GCFC2: variants seen among roughly 807,000 people sequenced by gnomAD.
GCFC2 encodes GC-rich sequence DNA-binding factor 2, also known as intron Large complex component GCFC2.
In GCFC2, 102 loss-of-function variants were observed where a neutral mutation model predicts 99.4. The ratio of observed to expected loss-of-function variants is 1.03; its 90% CI spans 0.87 to 1.21. The LOEUF (loss-of-function observed/expected upper bound fraction) is 1.21, where lower values mean the gene tolerates loss of function less well. Ranked by LOEUF, GCFC2 falls within the 50% of genes most tolerant of loss-of-function variation. The probability of loss-of-function intolerance (pLI) is 0.00; values close to 1 mark genes in which losing one functional copy is unlikely to be tolerated. For missense variants in GCFC2, 973 were observed against 920.9 expected (o/e 1.06, Z -0.73); for synonymous variants, 338 against 316.8 (o/e 1.07, Z -0.71).
intron 16 of GCFC2, among the ~76,000 whole-genome samples, chr2:75,665,439 C>T (rs959625080): frequency 3.3e-5 from 5 of 152,132 alleles, no homozygotes; most frequent in Non-Finnish European, 7.4e-5. Flanking sequence ...CAGGCGTGAG[C>T]CACCATGCCC....
chr2:75,678,298 G>C (rs896315863), intron 12 of GCFC2, among the ~76,000 whole-genome samples: 2 of 152,018 alleles, frequency 1.3e-5, no homozygotes, highest in Non-Finnish European at 2.9e-5. Context: ...TACTAATCTT[G>C]GTTCTATGCT....
intron 1 of GCFC2, among the ~76,000 whole-genome samples, chr2:75,707,562 T>TAA (rs35217863): frequency 1.3e-5 from 2 of 151,566 alleles, no homozygotes; most frequent in Non-Finnish European, 2.9e-5. Context: ...TTTAAAACAC[T>TAA]AAAAAAAATA....
At chr2:75,692,310 G>A (rs58987194) in intron 6 of GCFC2, among the ~76,000 whole-genome samples, 1 of 152,008 alleles carries the variant, frequency 6.6e-6, no homozygotes, top group African/African-American at 2.4e-5. Context: ...TAAAAAATCA[G>A]AAAATTGACT....
chr2:75,711,679 G>A (rs372351691), upstream of GCFC2, among the ~76,000 whole-genome samples: 74 of 152,348 alleles, frequency 4.9e-4, 1 homozygote, highest in East Asian at 0.013. Context: ...CAGCCGGCCG[G>A]CCCTGCCAGC....
upstream of GCFC2, chr2:75,710,949 GGCC>G (rs1681155205): frequency 1.5e-6 from 2 of 1,368,894 alleles, no homozygotes; most frequent in South Asian, 1.7e-5. Context: ...CGCCGCGCCT[GGCC>G]GCCGAGTGCG....
rs1680321860 is a variant in GCFC2 at position 75,696,288 on chromosome 2, T to G, written c.745A>C (p.Asn249His). The G allele has an allele frequency of 7.0e-7, 1 of 1,426,780 alleles. No homozygotes were observed. The highest frequency in any genetic ancestry group is 9.9e-7 in the Non-Finnish European group (1 of 1,011,512). 88.4% of individuals were successfully genotyped at this position (1,426,780 alleles called of 1,614,324 possible). ...EERDIDLSCG[N>H]GSSKVKKFDT... ...AATTTCTTCACTTTTGAAGATCCAT[T>G]GCCACAGGAAAGATCTATGTCTCTT... Residue 249 changes from asparagine to histidine, a missense_variant, in exon 5 of 17, where the codon AAT becomes CAT. By Grantham distance (68) the Asn-to-His change is moderately conservative. Transcript: ENST00000321027.
chr2:75,710,211 A>G (rs1327651358), intron 1 of GCFC2, among the ~76,000 whole-genome samples: 4 of 152,244 alleles, frequency 2.6e-5, no homozygotes, highest in African/African-American at 9.6e-5. Context: ...AAGTGTCTAA[A>G]AGGTACATAT....
chr2:75,673,103 G>T (rs996277915), intron 13 of GCFC2, among the ~76,000 whole-genome samples: 2 of 152,160 alleles, frequency 1.3e-5, no homozygotes, highest in Admixed American at 6.5e-5. Context: ...AAGGTCAGGA[G>T]ATCGAGACCA....
Position 75,702,393 on chromosome 2 carries a change from G to C in GCFC2, c.425C>G (p.Ala142Gly). 1 of 1,613,172 alleles carries C rather than the reference G, an allele frequency of 6.2e-7. No homozygotes were observed. Among genetic ancestry groups the C allele is most frequent in the Middle Eastern group, 1.7e-4 (1 of 6,058 alleles). Residue 142 changes from alanine (A) to glycine (G), a missense_variant, in exon 3 of 17, where the codon GCA becomes GGA. Ala to Gly is a moderately conservative substitution (Grantham distance 60). Transcript: ENST00000321027. ...VKIPDAAFIQ[A>G]ARRKRELARA... ...GGCCAATTCACGTTTTCTGCGGGCT[G>C]CCTGAATAAAAGCTGCATCTGGGAT...
intron 15 of GCFC2, among the ~76,000 whole-genome samples, chr2:75,666,276 C>T (rs991022574): frequency 6.6e-6 from 1 of 152,188 alleles, no homozygotes; most frequent in African/African-American, 2.4e-5. Context: ...TCTATGAACA[C>T]TCCCTGGTAG....
chr2:75,702,215 C>G lies in GCFC2; in HGVS notation c.603G>C (p.Arg201Ser). The change falls in exon 3 of 17, where the codon AGG becomes AGC. Residue 201 changes from arginine (R) to serine (S), a missense_variant. Arg to Ser is a moderately radical substitution (Grantham distance 110). Transcript: ENST00000321027. ...AATCCATACTTGATTCCTCAGCCAT[C>G]CTTTGTCTAAGTGTTTGAGGTCTTA... Reference protein sequence around the residue: ...FTLRPQTLRQRMAEESISRNE... With the variant: ...FTLRPQTLRQSMAEESISRNE... 2.5e-6 allele frequency: 4 copies of G among 1,605,640 alleles called. No homozygotes were observed. Among genetic ancestry groups the G allele is most frequent in the Non-Finnish European group, 3.4e-6 (4 of 1,172,454 alleles).
intron 16 of GCFC2, 25 bp from the exon 17 acceptor site, chr2:75,664,808 C>A (rs757152350): frequency 3.6e-6 from 4 of 1,111,112 alleles, no homozygotes; most frequent in Non-Finnish European, 5.5e-6. Flanking sequence ...AAATTTCTCC[C>A]TTTAAAAATG....
chr2:75,704,669 T>G (rs1680754570), intron 2 of GCFC2, among the ~76,000 whole-genome samples: 1 of 152,240 alleles, frequency 6.6e-6, no homozygotes, highest in South Asian at 2.1e-4. Context: ...CTTATCCTGT[T>G]TAATCCACCA....
rs1681149734 is a variant in GCFC2 at position 75,710,889 on chromosome 2, CGCT to C, written c.-37_-35del. The C allele has an allele frequency of 4.7e-6, 7 of 1,493,572 alleles. No individual in the cohort carries two copies. Among genetic ancestry groups the C allele is most frequent in the Non-Finnish European group, 5.3e-6 (6 of 1,128,446 alleles). The allele number at this position is 1,493,572 out of a possible 1,614,324, so 92.5% of individuals were successfully genotyped here. On this transcript the variant is annotated 5_prime_UTR_variant, in exon 1 of 17. Transcript: ENST00000321027. ...CCCGAGCGCCCGGCGCCCTAGAACC[CGCT>C]GAACCGCAAGCCGCAGCTTCAGTGC...
At chr2:75,675,800 A>G (rs1679310861) in intron 12 of GCFC2, among the ~76,000 whole-genome samples, 1 of 151,904 alleles carries the variant, frequency 6.6e-6, no homozygotes, top group Non-Finnish European at 1.5e-5. Flanking sequence ...CACATATTTT[A>G]AAACCGTGAG....
At chr2:75,702,784 G>A (rs1680668026) in intron 2 of GCFC2, among the ~76,000 whole-genome samples, 1 of 152,208 alleles carries the variant, frequency 6.6e-6, no homozygotes, top group Admixed American at 6.5e-5. Context: ...AGGGCTGAGT[G>A]TGGTGTTCCC....
At chr2:75,701,586 C>T (rs951775970) in intron 3 of GCFC2, among the ~76,000 whole-genome samples, 2 of 152,106 alleles carry the variant, frequency 1.3e-5, no homozygotes, top group Non-Finnish European at 2.9e-5. Context: ...CACTATAGCC[C>T]TATATTGTAA....
At chr2:75,691,004 T>A (rs1246761750) in intron 7 of GCFC2, among the ~76,000 whole-genome samples, 1 of 152,222 alleles carries the variant, frequency 6.6e-6, no homozygotes, top group East Asian at 1.9e-4. Context: ...CGTTTTCTCA[T>A]ATTCTTTTCC....
At position 75,690,633 on chromosome 2, in the gene GCFC2, G is replaced by C. The variant is rs766704344; in HGVS notation, c.1226+5C>G. Reference sequence around the variant, plus strand: ...TTTCTTTAAATCTTCACTTTATATAGGTACCTTCGAGATTCAATCTCTTCT... The same window carrying C: ...TTTCTTTAAATCTTCACTTTATATACGTACCTTCGAGATTCAATCTCTTCT... On this transcript the variant is annotated splice_donor_5th_base_variant and intron_variant, in intron 8 of 16. Coordinates refer to ENST00000321027, the MANE Select transcript of GCFC2 (RefSeq NM_003203.5). The C allele has an allele frequency of 7.5e-7, 1 of 1,339,328 alleles. No individual in the cohort carries two copies. Among genetic ancestry groups the C allele is most frequent in the East Asian group, 2.3e-5 (1 of 43,152 alleles). 83.0% of individuals were successfully genotyped at this position (1,339,328 alleles called of 1,614,324 possible).
Sources: gnomAD v4.1 joint callset for allele counts (sites outside exome capture counted in the v4.1 genomes callset) on GRCh38, gnomAD v4.1.1 for gene constraint, MANE v1.5 for transcripts, NCBI Gene and HGNC (gene_info 2026-07-23, HGNC 2026-07-21) for gene names.